TMEM132D: variants seen among roughly 807,000 people sequenced by gnomAD.
TMEM132D encodes mature OL transmembrane protein.
In TMEM132D, 21 loss-of-function variants were observed where a neutral mutation model predicts 62.3. The ratio of observed to expected loss-of-function variants is 0.34; its 90% CI spans 0.24 to 0.49. TMEM132D has a LOEUF of 0.49. TMEM132D is among the 20% of genes least tolerant of loss of function. The pLI is 0.99. For synonymous variants in TMEM132D, 621 were observed against 575.6 expected (o/e 1.08, Z -1.13); for missense variants, 1,346 against 1,402.8 (o/e 0.96, Z 0.65).
intron 5 of TMEM132D, among the ~76,000 whole-genome samples, chr12:129,112,244 A>C (rs1482355501): frequency 6.6e-6 from 1 of 152,258 alleles, no homozygotes; most frequent in East Asian, 1.9e-4. Flanking sequence ...GGGTGAATGT[A>C]TGAAAAGTTG....
chr12:129,668,963 A>G (rs1166730033), intron 2 of TMEM132D, among the ~76,000 whole-genome samples: 2 of 152,170 alleles, frequency 1.3e-5, no homozygotes, highest in Admixed American at 6.5e-5. Context: ...AAAGAATGTC[A>G]CTTTCTAACA....
intron 5 of TMEM132D, among the ~76,000 whole-genome samples, chr12:129,203,482 C>T (rs1414579117): frequency 6.6e-6 from 1 of 152,218 alleles, no homozygotes; most frequent in African/African-American, 2.4e-5. Flanking sequence ...GGTGCAGCCT[C>T]CTGTGGTCCC....
At chr12:129,295,076 G>A (rs1566024476) in intron 4 of TMEM132D, among the ~76,000 whole-genome samples, 1 of 152,128 alleles carries the variant, frequency 6.6e-6, no homozygotes, top group Non-Finnish European at 1.5e-5. Context: ...ATCAGTCGAA[G>A]GCTTACATAG....
intron 2 of TMEM132D, among the ~76,000 whole-genome samples, chr12:129,574,998 C>T (rs1452109235): frequency 1.3e-5 from 2 of 151,638 alleles, no homozygotes; most frequent in South Asian, 2.1e-4. Flanking sequence ...ATGCAGTCAA[C>T]GCTCCTAAGG....
intron 3 of TMEM132D, among the ~76,000 whole-genome samples, chr12:129,525,811 G>A (rs1228559715): frequency 3.9e-5 from 6 of 152,142 alleles, no homozygotes; most frequent in East Asian, 1.9e-4. Context: ...CTCTCTTTGC[G>A]GAATCATCAT....
chr12:129,161,484 C>T (rs940010675), intron 5 of TMEM132D, among the ~76,000 whole-genome samples: 8 of 152,234 alleles, frequency 5.3e-5, no homozygotes, highest in South Asian at 2.1e-4. Flanking sequence ...AGATTGCAGC[C>T]GTGGGGAGAT....
intron 5 of TMEM132D, among the ~76,000 whole-genome samples, chr12:129,126,210 A>T (rs1876208040): frequency 6.6e-6 from 1 of 152,084 alleles, no homozygotes; most frequent in Admixed American, 6.6e-5. Flanking sequence ...AATATCTATA[A>T]ATCCCTCTAT....
chr12:129,542,564 T>C (rs1876612634), intron 2 of TMEM132D, among the ~76,000 whole-genome samples: 1 of 152,176 alleles, frequency 6.6e-6, no homozygotes, highest in African/African-American at 2.4e-5. Flanking sequence ...TACAGACATC[T>C]ATCGTCAAAC....
In TMEM132D at chr12:129,710,417, T is replaced by C. The variant is rs1881611988; in HGVS notation, c.80-9719A>G. On this transcript the variant is annotated intron_variant, in intron 1 of 8. Coordinates refer to ENST00000422113, the MANE Select transcript of TMEM132D (RefSeq NM_133448.3). Reference sequence around the variant, plus strand: ...TTCAAGTGATTCTCCTGCCTCAGCCTCCCAAGTAGCTGGGATTACAGGTGC... The same window carrying C: ...TTCAAGTGATTCTCCTGCCTCAGCCCCCCAAGTAGCTGGGATTACAGGTGC... Among the ~76,000 whole-genome samples, 3 of 152,236 alleles carry C rather than the reference T, an allele frequency of 2.0e-5. 1 individual carries two copies. In the South Asian group the frequency reaches 6.2e-4, roughly 32 times the overall value.
intron 3 of TMEM132D, among the ~76,000 whole-genome samples, chr12:129,375,288 C>G (rs1344593990): frequency 6.6e-6 from 1 of 152,176 alleles, no homozygotes; most frequent in East Asian, 1.9e-4. Flanking sequence ...TTACCAACAG[C>G]CCATTCATGA....
chr12:129,469,370 A>C (rs945281599), intron 3 of TMEM132D, among the ~76,000 whole-genome samples: 2 of 152,192 alleles, frequency 1.3e-5, no homozygotes, highest in Non-Finnish European at 2.9e-5. Flanking sequence ...CCCCCGTGTC[A>C]CCTGGGAGCT....
intron 2 of TMEM132D, among the ~76,000 whole-genome samples, chr12:129,616,745 G>T (rs776616365): frequency 2.0e-5 from 3 of 152,166 alleles, no homozygotes; most frequent in Non-Finnish European, 4.4e-5. Context: ...CAGCCCTGCT[G>T]AACTGTGAGT....
At chr12:129,781,194 CAT>C (rs1390094636) in intron 1 of TMEM132D, among the ~76,000 whole-genome samples, 2 of 152,152 alleles carry the variant, frequency 1.3e-5, no homozygotes, top group Admixed American at 6.5e-5. Flanking sequence ...GAAACCGCCA[CAT>C]GTCTTCTTCT....
chr12:129,116,918 C>CAAAAAAAAAAAAAAAAAAAAAAAAAAAA (rs60513263), intron 5 of TMEM132D, among the ~76,000 whole-genome samples: 2 of 59,044 alleles, frequency 3.4e-5, no homozygotes, highest in Non-Finnish European at 5.9e-5. Flanking sequence ...AAAATTTCCG[C>CAAAAAAAAAAAAAAAAAAAAAAAAAAAA]AAAAAAAAAA....
At chr12:129,288,694 A>G (rs1881368612) in intron 4 of TMEM132D, among the ~76,000 whole-genome samples, 1 of 152,198 alleles carries the variant, frequency 6.6e-6, no homozygotes, top group East Asian at 1.9e-4. Flanking sequence ...AACGGTAAGG[A>G]GGTTCCTCAA....
intron 2 of TMEM132D, among the ~76,000 whole-genome samples, chr12:129,693,396 G>A (rs1205699184): frequency 1.3e-5 from 2 of 152,206 alleles, no homozygotes; most frequent in Non-Finnish European, 2.9e-5. Flanking sequence ...AATGTCCCCT[G>A]CAGCATTCTA....
chr12:129,397,105 A>G (rs948380970), intron 3 of TMEM132D, among the ~76,000 whole-genome samples: 1 of 152,222 alleles, frequency 6.6e-6, no homozygotes, highest in Non-Finnish European at 1.5e-5. Context: ...TCTCATAGGC[A>G]TATCGACAAT....
intron 4 of TMEM132D, among the ~76,000 whole-genome samples, chr12:129,329,863 G>A (rs1181293410): frequency 3.9e-5 from 6 of 152,160 alleles, no homozygotes; most frequent in Admixed American, 3.9e-4. Context: ...TTCTGAAGAT[G>A]AGGGGAGAGT....
At chr12:129,505,784 T>G (rs1364686638) in intron 3 of TMEM132D, among the ~76,000 whole-genome samples, 1 of 152,212 alleles carries the variant, frequency 6.6e-6, no homozygotes, top group Non-Finnish European at 1.5e-5. Flanking sequence ...TGTCCCTCTT[T>G]GTCTTTTTAA....
Sources: gnomAD v4.1 joint callset for allele counts (sites outside exome capture counted in the v4.1 genomes callset) on GRCh38, gnomAD v4.1.1 for gene constraint, MANE v1.5 for transcripts, NCBI Gene and HGNC (gene_info 2026-07-23, HGNC 2026-07-21) for gene names.